Variants in IQCJ observed in about 807,000 individuals in gnomAD.
The protein encoded by IQCJ is IQ domain-containing protein J.
Under a neutral mutation model 11.0 loss-of-function variants are expected in IQCJ, and 9 were observed. That is an observed-to-expected ratio of 0.82 (90% CI 0.49 to 1.43). IQCJ has a LOEUF of 1.43. Ranked by LOEUF, IQCJ falls within the 40% of genes most tolerant of loss-of-function variation. The pLI is 0.00. For missense variants in IQCJ, 146 were observed against 133.2 expected, an observed-to-expected ratio of 1.10 and a Z score of -0.47; for synonymous variants, 55 against 51.3, an observed-to-expected ratio of 1.07 and a Z score of -0.31.
intron 1 of IQCJ, among the ~76,000 whole-genome samples, chr3:159,224,079 A>C (rs554011914): frequency 6.6e-6 from 1 of 152,068 alleles, no homozygotes; most frequent in African/African-American, 2.4e-5. Flanking sequence ...AAAAAAAAAA[A>C]AAACAAGACT....
intron 1 of IQCJ, among the ~76,000 whole-genome samples, chr3:159,160,052 G>A (rs1222842403): frequency 6.6e-6 from 1 of 152,102 alleles, no homozygotes; most frequent in Non-Finnish European, 1.5e-5. Context: ...AGATACCATG[G>A]TCTTCATCAA....
chr3:159,090,007 AG>A (rs1717126693), intron 1 of IQCJ, among the ~76,000 whole-genome samples: 2 of 151,518 alleles, frequency 1.3e-5, no homozygotes, highest in South Asian at 4.2e-4. Flanking sequence ...TGCTTTTTAG[AG>A]TTTCCAGTTT....
chr3:159,173,475 C>A (rs116281354), intron 1 of IQCJ, among the ~76,000 whole-genome samples: 1 of 152,216 alleles, frequency 6.6e-6, no homozygotes, highest in Non-Finnish European at 1.5e-5. Flanking sequence ...TTCTTTTATT[C>A]CACTCCTACA....
At chr3:159,198,976 C>A (rs1724156923) in intron 1 of IQCJ, among the ~76,000 whole-genome samples, 1 of 152,254 alleles carries the variant, frequency 6.6e-6, no homozygotes. Context: ...GGATTAGACC[C>A]TTTAAGAAAT....
In IQCJ at chr3:159,197,619, G is replaced by T. The variant is rs116472881; in HGVS notation, c.10-48224G>T. On this transcript the variant is annotated intron_variant, in intron 1 of 3. Transcript: ENST00000397832. ...GGAATAGAGACTATGCAAATAAAAA[G>T]TCTAGTTATACCTTGCAGATCATAG... is the stretch of plus-strand genomic sequence containing the variant. Among the ~76,000 whole-genome samples, 577 of 152,242 alleles carry T rather than the reference G, an allele frequency of 3.8e-3. 2 individuals are homozygous for T. The highest frequency in any genetic ancestry group is 0.013 in the African/African-American group (550 of 41,550).
At chr3:159,210,640 TA>T (rs1724901883) in intron 1 of IQCJ, among the ~76,000 whole-genome samples, 1 of 152,202 alleles carries the variant, frequency 6.6e-6, no homozygotes, top group Admixed American at 6.5e-5. Context: ...TGTATCACTC[TA>T]TGCAACCATT....
At chr3:159,236,450 T>A (rs1726597558) in intron 1 of IQCJ, among the ~76,000 whole-genome samples, 1 of 152,208 alleles carries the variant, frequency 6.6e-6, no homozygotes. Context: ...ATTTACATTA[T>A]AACAAGGCCT....
chr3:159,083,745 G>T (rs893887266), intron 1 of IQCJ, among the ~76,000 whole-genome samples: 1 of 152,098 alleles, frequency 6.6e-6, no homozygotes, highest in African/African-American at 2.4e-5. Flanking sequence ...GTCAAACTGT[G>T]GTGTGTCATA....
chr3:159,168,967 CATGATG>C (rs71144474), intron 1 of IQCJ, among the ~76,000 whole-genome samples: 57 of 149,016 alleles, frequency 3.8e-4, no homozygotes, highest in African/African-American at 1.2e-3. Flanking sequence ...ACGATGAAGA[CATGATG>C]ATGATGATGA....
chr3:159,194,133 T>A (rs56791207), intron 1 of IQCJ, among the ~76,000 whole-genome samples: 15,032 of 152,246 alleles, frequency 0.099, 2,495 homozygotes, highest in African/African-American at 0.34. Flanking sequence ...CCTTTTGCTC[T>A]GTAACTCAGC....
intron 1 of IQCJ, among the ~76,000 whole-genome samples, chr3:159,089,707 C>T (rs540561034): frequency 1.3e-5 from 2 of 151,746 alleles, no homozygotes; most frequent in Non-Finnish European, 2.9e-5. Flanking sequence ...TCCAGTTGAT[C>T]TCACCGGCTC....
chr3:159,193,474 T>G (rs1723805930), intron 1 of IQCJ, among the ~76,000 whole-genome samples: 1 of 152,202 alleles, frequency 6.6e-6, no homozygotes, highest in Non-Finnish European at 1.5e-5. Flanking sequence ...TATACCCATA[T>G]GAGTATGCCC....
chr3:159,080,805 G>T (rs148499307), intron 1 of IQCJ, among the ~76,000 whole-genome samples: 1 of 152,048 alleles, frequency 6.6e-6, no homozygotes, highest in East Asian at 1.9e-4. Flanking sequence ...TCCCTGCTTC[G>T]GGAGTCTGTG....
chr3:159,265,112 G>C, downstream of IQCJ: 1 of 910,604 alleles, frequency 1.1e-6, no homozygotes, highest in East Asian at 2.4e-5. Flanking sequence ...TCTCTGGTTT[G>C]TCACTTAGGT....
At chr3:159,128,673 A>G (rs1320090816) in intron 1 of IQCJ, among the ~76,000 whole-genome samples, 1 of 152,052 alleles carries the variant, frequency 6.6e-6, no homozygotes, top group Non-Finnish European at 1.5e-5. Context: ...GTTCCAGTCC[A>G]TCCTGCCTGT....
At chr3:159,107,008 T>C (rs1246781311) in intron 1 of IQCJ, among the ~76,000 whole-genome samples, 1 of 152,246 alleles carries the variant, frequency 6.6e-6, no homozygotes, top group East Asian at 1.9e-4. Flanking sequence ...TGAAGTCAAA[T>C]ATTCTGTTGT....
intron 2 of IQCJ, among the ~76,000 whole-genome samples, chr3:159,247,312 T>A (rs1727329067): frequency 6.6e-6 from 1 of 151,988 alleles, no homozygotes; most frequent in Admixed American, 6.6e-5. Flanking sequence ...GCCAGGCTGG[T>A]CTCAAACTCC....
chr3:159,179,350 T>C (rs1722961259), intron 1 of IQCJ, among the ~76,000 whole-genome samples: 1 of 152,138 alleles, frequency 6.6e-6, no homozygotes, highest in Non-Finnish European at 1.5e-5. Context: ...CACCTCTGCA[T>C]CTACTTACAG....
chr3:159,188,726 C>T (rs1232551350), intron 1 of IQCJ, among the ~76,000 whole-genome samples: 1 of 152,096 alleles, frequency 6.6e-6, no homozygotes, highest in Non-Finnish European at 1.5e-5. Context: ...TTGGCTGTGG[C>T]AGTTCTCTTA....
Sources: gnomAD v4.1 joint callset for allele counts (sites outside exome capture counted in the v4.1 genomes callset) on GRCh38, gnomAD v4.1.1 for gene constraint, MANE v1.5 for transcripts, NCBI Gene and HGNC (gene_info 2026-07-23, HGNC 2026-07-21) for gene names.